ATP2A3: variants seen among roughly 807,000 people sequenced by gnomAD.
ATP2A3 encodes ATPase sarcoplasmic/endoplasmic reticulum Ca2+ transporting 3.
Under a neutral mutation model 106.8 loss-of-function variants are expected in ATP2A3, and 61 were observed. The ratio of observed to expected loss-of-function variants is 0.57; its 90% CI spans 0.46 to 0.71. The LOEUF (loss-of-function observed/expected upper bound fraction) is 0.71. Ranked by LOEUF, ATP2A3 falls within the 30% of genes least tolerant of loss-of-function variation. The pLI is 0.00. For synonymous variants in ATP2A3, 611 were observed against 609.3 expected, an observed-to-expected ratio of 1.00 and a Z score of -0.04; for missense variants, 1,201 against 1,423.5, an observed-to-expected ratio of 0.84 and a Z score of 2.52.
Position 3,953,655 on chromosome 17 carries a change from G to T in ATP2A3, c.136+38C>A, listed in dbSNP as rs757862674. 1.9e-6 allele frequency: 3 copies of T among 1,558,516 alleles called. No homozygotes were observed. In the African/African-American group the frequency reaches 4.1e-5, roughly 21 times the overall value. On this transcript the variant is annotated intron_variant, in intron 2 of 20. Coordinates refer to ENST00000397041, the MANE Select transcript of ATP2A3 (RefSeq NM_005173.4). This position sits in a 1 kb window ranked among gnomAD's most constrained non-coding sequence, Gnocchi z 5.1. Reference sequence around the variant, plus strand: ...AGACAGAGAACGACCCAGGGATGCTGCCCGCGGCCTAGAGGTCCATCCCGG... The same window carrying T: ...AGACAGAGAACGACCCAGGGATGCTTCCCGCGGCCTAGAGGTCCATCCCGG...
At chr17:3,933,912 G>GTTTTC (rs752478199) in intron 17 of ATP2A3, among the ~76,000 whole-genome samples, 4 of 149,378 alleles carry the variant, frequency 2.7e-5, no homozygotes, top group Non-Finnish European at 4.4e-5. Context: ...CTTTGGTTTG[G>GTTTTC]TTTTCTTTTC....
intron 11 of ATP2A3, 129 bp from the exon 12 acceptor site, chr17:3,942,860 C>A: frequency 7.1e-7 from 1 of 1,408,156 alleles, no homozygotes; most frequent in Non-Finnish European, 9.7e-7. Context: ...CCTCTGACCC[C>A]ACCATTCAAG....
intron 4 of ATP2A3, 36 bp downstream of exon 4, chr17:3,951,542 GACC>G: frequency 1.3e-6 from 2 of 1,483,210 alleles, no homozygotes; most frequent in Non-Finnish European, 1.8e-6. Flanking sequence ...GTGGCTGGGA[GACC>G]GCCCCCCGCC....
In ATP2A3 at chr17:3,936,463, G is replaced by A. The variant is rs1319936194; in HGVS notation, c.2328C>T (p.Phe776=). Residue 776 remains phenylalanine (F), a synonymous_variant, in exon 16 of 21, where the codon TTC becomes TTT. Coordinates refer to ENST00000397041, the MANE Select transcript of ATP2A3 (RefSeq NM_005173.4). This position sits in a 1 kb window ranked among gnomAD's most constrained non-coding sequence, Gnocchi z 5.4. ...SSNVGEVVCI[F]LTAILGLPEA... is the part of the protein sequence containing the mutation. Reference sequence around the variant, plus strand: ...CGGGCAGGCCCAGAATTGCCGTGAGGAAGATGCTGGAACAGAGTCATGAGC... The same window carrying A: ...CGGGCAGGCCCAGAATTGCCGTGAGAAAGATGCTGGAACAGAGTCATGAGC... 6.2e-7 allele frequency: 1 copy of A among 1,614,012 alleles called. No homozygotes were observed. Among genetic ancestry groups the A allele is most frequent in the Admixed American group, 1.7e-5 (1 of 60,016 alleles).
At position 3,929,504 on chromosome 17, in the gene ATP2A3, C is replaced by A; in HGVS notation, c.2745-59G>T. The stretch of plus-strand genomic sequence containing the variant: ...GGTGCAGGGAGGCCCTGCCAGGCAC[C>A]CACCCCCATGGGAGGAGCCTCACCA... On this transcript the variant is annotated intron_variant, in intron 18 of 20. Coordinates refer to ENST00000397041, the MANE Select transcript of ATP2A3 (RefSeq NM_005173.4). The surrounding 1 kb of genome is among the most constrained non-coding windows in gnomAD (Gnocchi z 4.3). 1 of 1,424,566 alleles carries A rather than the reference C, an allele frequency of 7.0e-7. No individual in the cohort carries two copies. Among genetic ancestry groups the A allele is most frequent in the Non-Finnish European group, 9.7e-7 (1 of 1,034,708 alleles). 88.2% of individuals were successfully genotyped at this position (1,424,566 alleles called of 1,614,324 possible). A position where few individuals can be genotyped will look rare whatever the true frequency, so the allele number is the denominator to read the frequency against.
At position 3,929,198 on chromosome 17, in the gene ATP2A3, G is replaced by T. The variant is rs1247620274; in HGVS notation, c.2862+130C>A. ...GGTGGGGCCACAGCTGGAGGTGGTGGCTGGCCAGACCTCTCACCTCCCTCT... is the reference window on the plus strand; with the variant it reads ...GGTGGGGCCACAGCTGGAGGTGGTGTCTGGCCAGACCTCTCACCTCCCTCT... On this transcript the variant is annotated intron_variant, in intron 19 of 20. Transcript: ENST00000397041. This position sits in a 1 kb window ranked among gnomAD's most constrained non-coding sequence, Gnocchi z 4.3. 3 of 844,094 alleles carry T rather than the reference G, an allele frequency of 3.6e-6. No individual in the cohort carries two copies. The African/African-American group carries it at 5.1e-5, about 14-fold the overall frequency. The allele number at this position is 844,094 out of a possible 1,614,324, so 52.3% of individuals were successfully genotyped here.
rs767243587 is a variant in ATP2A3 at position 3,941,212 on chromosome 17, C to T, written c.1859G>A (p.Arg620His). 24 of 1,613,978 alleles carry T rather than the reference C, an allele frequency of 1.5e-5. No homozygotes were observed. The highest frequency in any genetic ancestry group is 1.9e-5 in the Non-Finnish European group (23 of 1,180,032). The change falls in exon 14 of 21, where the codon CGC becomes CAC. Residue 620 changes from arginine to histidine, a missense_variant. Arg to His is a conservative substitution (Grantham distance 29, BLOSUM62 0). Coordinates refer to ENST00000397041, the MANE Select transcript of ATP2A3 (RefSeq NM_005173.4). ...GTTATCCCCCGTGATCATGACCACG[C>T]GGATGCCCGCCTGGTAGCAGCGTGT... is the stretch of plus-strand genomic sequence containing the variant. ...CITRCYQAGI[R>H]VVMITGDNKG... is the part of the protein sequence containing the mutation.
At chr17:3,956,644 A>G (rs2054798626) in intron 1 of ATP2A3, among the ~76,000 whole-genome samples, 1 of 152,220 alleles carries the variant, frequency 6.6e-6, no homozygotes, top group Non-Finnish European at 1.5e-5. Flanking sequence ...TGTCTGCTCC[A>G]TCGACCTGGG....
Position 3,951,630 on chromosome 17 carries a change from A to G in ATP2A3, c.275T>C (p.Leu92Pro), listed in dbSNP as rs1180129427. Residue 92 changes from leucine to proline, a missense_variant, in exon 4 of 21, where the codon CTG (leucine) becomes CCG (proline). By Grantham distance (98) the Leu-to-Pro change is moderately conservative (BLOSUM62 -3). Transcript: ENST00000397041. Reference protein sequence around the residue: ...EETTTAFVEPLVIMLILVANA... With the variant: ...EETTTAFVEPPVIMLILVANA... ...GGCCACGAGGATCAGCATGATGACC[A>G]GGGGCTCCACGAAGGCGGTCGTGGT... The G allele has an allele frequency of 1.9e-6, 3 of 1,592,706 alleles. No homozygotes were observed. The highest frequency in any genetic ancestry group is 2.6e-6 in the Non-Finnish European group (3 of 1,170,316).
rs1168341405 is a variant in ATP2A3 at position 3,929,525 on chromosome 17, C to T, written c.2745-80G>A. ...GCACCCACCCCCATGGGAGGAGCCT[C>T]ACCACTTCTCTAGCGGTGCATTGCT... On this transcript the variant is annotated intron_variant, in intron 18 of 20. Transcript: ENST00000397041. The surrounding 1 kb of genome is among the most constrained non-coding windows in gnomAD (Gnocchi z 4.3). 4.1e-6 allele frequency: 5 copies of T among 1,220,014 alleles called. No homozygotes were observed. The highest frequency in any genetic ancestry group is 2.5e-5 in the East Asian group (1 of 39,342). The allele number at this position is 1,220,014 out of a possible 1,614,324, so 75.6% of individuals were successfully genotyped here. A position where few individuals can be genotyped will look rare whatever the true frequency, so the allele number is the denominator to read the frequency against.
intron 10 of ATP2A3, 143 bp downstream of exon 10, chr17:3,944,561 G>C: frequency 1.3e-6 from 1 of 784,152 alleles, no homozygotes; most frequent in East Asian, 2.7e-5. Flanking sequence ...CGGCAGAGAG[G>C]GGTGTGCAGG....
At position 3,928,877 on chromosome 17, in the gene ATP2A3, T is replaced by A; in HGVS notation, c.2863-97A>T. The A allele has an allele frequency of 1.1e-6, 1 of 929,722 alleles. No individual in the cohort carries two copies. Among genetic ancestry groups the A allele is most frequent in the African/African-American group, 1.6e-5 (1 of 61,406 alleles). The allele number at this position is 929,722 out of a possible 1,614,324, so 57.6% of individuals were successfully genotyped here. ...CTTATCCACCTGGGCTCTGATGGAC[T>A]CTTCATGAGCGCTCCTAAGAACCCC... On this transcript the variant is annotated intron_variant, in intron 19 of 20. Coordinates refer to ENST00000397041, the MANE Select transcript of ATP2A3 (RefSeq NM_005173.4). The surrounding 1 kb of genome is among the most constrained non-coding windows in gnomAD (Gnocchi z 6.1).
intron 20 of ATP2A3, chr17:3,927,967 G>A: frequency 6.2e-7 from 1 of 1,613,662 alleles, no homozygotes; most frequent in Non-Finnish European, 8.5e-7. Context: ...AAATTCCCAG[G>A]AACCGGAGCT....
intron 8 of ATP2A3, among the ~76,000 whole-genome samples, chr17:3,946,974 T>C (rs1192522794): frequency 1.3e-5 from 2 of 152,208 alleles, no homozygotes; most frequent in Non-Finnish European, 2.9e-5. Context: ...GGAGCTGGCT[T>C]ATCTGGTGAC....
At position 3,925,919 on chromosome 17, in the gene ATP2A3, A is replaced by G. The variant is rs2052684371; in HGVS notation, c.2981-478T>C. Among the ~76,000 whole-genome samples the G allele has an allele frequency of 6.6e-6, 1 of 152,056 alleles. No individual in the cohort carries two copies. The highest frequency in any genetic ancestry group is 1.5e-5 in the Non-Finnish European group (1 of 68,006). On this transcript the variant is annotated intron_variant, in intron 20 of 20. Transcript: ENST00000397041. This position sits in a 1 kb window ranked among gnomAD's most constrained non-coding sequence, Gnocchi z 4.2. ...ACCGTCCCATCATACTTCTGCCCCT[A>G]GCATCAAGCAAAAGCCGAAATCCAG...
chr17:3,923,939 C>T lies in ATP2A3; in HGVS notation c.*1483G>A, dbSNP rs1017209158. The T allele has an allele frequency of 2.6e-5, 4 of 152,278 alleles. No individual in the cohort carries two copies. The highest frequency in any genetic ancestry group is 1.9e-4 in the East Asian group (1 of 5,208). The allele number at this position is 152,278 out of a possible 1,614,324, so 9.4% of individuals were successfully genotyped here. On this transcript the variant is annotated 3_prime_UTR_variant, in exon 21 of 21. Coordinates refer to ENST00000397041, the MANE Select transcript of ATP2A3 (RefSeq NM_005173.4). ...GGTCAGCAGGTGGGTACAGGGCCCG[C>T]TCCTGCTAAGACCTCCCCACCTCCC...
intron 7 of ATP2A3, among the ~76,000 whole-genome samples, chr17:3,948,120 C>CG (rs1433586193): frequency 6.6e-6 from 1 of 152,146 alleles, no homozygotes; most frequent in Non-Finnish European, 1.5e-5. Flanking sequence ...AGAGGAGGCA[C>CG]GGGGGCTGAT....
intron 1 of ATP2A3, among the ~76,000 whole-genome samples, chr17:3,958,329 A>G (rs921645309): frequency 2.6e-5 from 4 of 152,184 alleles, no homozygotes; most frequent in African/African-American, 9.7e-5. Context: ...GGGCAGCAGG[A>G]CTTCGTTAAG....
intron 9 of ATP2A3, 63 bp from the exon 10 acceptor site, chr17:3,944,869 T>C: frequency 1.1e-6 from 1 of 918,704 alleles, no homozygotes; most frequent in Non-Finnish European, 1.6e-6. Context: ...GTCCGCCTCT[T>C]GGCCCCGCCC....
Sources: gnomAD v4.1 joint callset for allele counts (sites outside exome capture counted in the v4.1 genomes callset) on GRCh38, gnomAD v4.1.1 for gene constraint, Gnocchi (gnomAD v3.1) non-coding constraint, MANE v1.5 for transcripts, NCBI Gene and HGNC (gene_info 2026-07-23, HGNC 2026-07-21) for gene names.